The following SLX4IP variants were observed in gnomAD, a reference collection of about 807,000 sequenced individuals.
SLX4IP encodes protein SLX4IP.
SLX4IP carries 34 observed loss-of-function variants against 32.9 expected under a neutral mutation model. The ratio of observed to expected loss-of-function variants is 1.03; its 90% CI spans 0.79 to 1.38. SLX4IP has a LOEUF of 1.38. Among genes scored for constraint, SLX4IP ranks in the 40% most tolerant of loss-of-function variants. The pLI is 0.00. For missense variants in SLX4IP, 444 were observed against 479.0 expected (o/e 0.93, Z 0.68); for synonymous variants, 172 against 171.7 (o/e 1.00, Z -0.01).
chr20:10,621,292 C>T, intron 6 of SLX4IP, 22 bp from the exon 7 acceptor site: 1 of 1,606,664 alleles, frequency 6.2e-7, no homozygotes, highest in Non-Finnish European at 8.5e-7. Context: ...TCTGGTTGAA[C>T]CTTTGTTATC....
chr20:10,449,408 A>G (rs775769064), intron 1 of SLX4IP, among the ~76,000 whole-genome samples: 2 of 152,206 alleles, frequency 1.3e-5, no homozygotes, highest in Non-Finnish European at 2.9e-5. Flanking sequence ...TGTGTTGGGA[A>G]CTTGGACCTT....
intron 2 of SLX4IP, among the ~76,000 whole-genome samples, chr20:10,522,058 C>T (rs1403643503): frequency 6.6e-6 from 1 of 152,192 alleles, no homozygotes; most frequent in Non-Finnish European, 1.5e-5. Context: ...TCTAAAGTGA[C>T]TGGCCTCTCT....
chr20:10,453,684 T>TGCC (rs2065262001), intron 1 of SLX4IP, among the ~76,000 whole-genome samples: 1 of 152,130 alleles, frequency 6.6e-6, no homozygotes, highest in Non-Finnish European at 1.5e-5. Flanking sequence ...TGGAACCAAT[T>TGCC]CTGACTCCTG....
At chr20:10,490,794 A>C (rs1479980960) in intron 2 of SLX4IP, among the ~76,000 whole-genome samples, 2 of 152,090 alleles carry the variant, frequency 1.3e-5, no homozygotes, top group Non-Finnish European at 2.9e-5. Flanking sequence ...GTCTCTGTCC[A>C]TTCTCCTTCT....
chr20:10,591,030 G>A (rs2066703118), intron 4 of SLX4IP, among the ~76,000 whole-genome samples: 1 of 152,142 alleles, frequency 6.6e-6, no homozygotes, highest in African/African-American at 2.4e-5. Flanking sequence ...CAGCTTTTCT[G>A]GTACCCCTGT....
chr20:10,538,732 G>A (rs781165293), intron 2 of SLX4IP, among the ~76,000 whole-genome samples: 2 of 152,036 alleles, frequency 1.3e-5, no homozygotes, highest in Non-Finnish European at 2.9e-5. Flanking sequence ...TCATCATGTT[G>A]GCCAGGCTGG....
At chr20:10,553,006 G>A (rs6133963) in intron 2 of SLX4IP, among the ~76,000 whole-genome samples, 2 of 152,090 alleles carry the variant, frequency 1.3e-5, no homozygotes, top group African/African-American at 4.8e-5. Flanking sequence ...CGCTTTGGAA[G>A]GGCTTTTATT....
Position 10,455,914 on chromosome 20 carries a change from A to T in SLX4IP, c.-29-2262A>T, listed in dbSNP as rs563949776. On this transcript the variant is annotated intron_variant, in intron 1 of 7. Coordinates refer to ENST00000334534, the MANE Select transcript of SLX4IP (RefSeq NM_001009608.3). ...GTGTGAGCCACCGTGCCTGGCCTAT[A>T]TGTCTGTTCTTATGCTAGTATAGGT... 4.6e-5 allele frequency among the ~76,000 whole-genome samples: 7 copies of T among 152,070 alleles called. No homozygotes were observed. The South Asian group carries it at 1.5e-3, about 32-fold the overall frequency.
chr20:10,600,626 T>A (rs1214371910), intron 5 of SLX4IP, among the ~76,000 whole-genome samples: 1 of 151,812 alleles, frequency 6.6e-6, no homozygotes, highest in East Asian at 1.9e-4. Flanking sequence ...AATTGACACC[T>A]TCTTGCTTGG....
chr20:10,542,420 A>C (rs1311977582), intron 2 of SLX4IP, among the ~76,000 whole-genome samples: 1 of 152,116 alleles, frequency 6.6e-6, no homozygotes, highest in Non-Finnish European at 1.5e-5. Context: ...AGCCCTGTTA[A>C]TATTATATTA....
At chr20:10,575,651 G>A (rs1170926809) in intron 4 of SLX4IP, among the ~76,000 whole-genome samples, 1 of 151,294 alleles carries the variant, frequency 6.6e-6, no homozygotes, top group Admixed American at 6.6e-5. Flanking sequence ...AGCATGTACT[G>A]TTTGTTTCTC....
intron 4 of SLX4IP, among the ~76,000 whole-genome samples, chr20:10,571,342 A>C (rs983665708): frequency 6.6e-6 from 1 of 152,150 alleles, no homozygotes; most frequent in Non-Finnish European, 1.5e-5. Flanking sequence ...CCCAGGGACT[A>C]GGAGTCATTA....
chr20:10,520,456 C>T (rs2065893298), intron 2 of SLX4IP, among the ~76,000 whole-genome samples: 1 of 152,186 alleles, frequency 6.6e-6, no homozygotes, highest in Non-Finnish European at 1.5e-5. Context: ...TTCTCCCATT[C>T]TGTGAATTGT....
chr20:10,614,372 A>G, intron 6 of SLX4IP: 1 of 562,702 alleles, frequency 1.8e-6, no homozygotes, highest in East Asian at 3.0e-5. Flanking sequence ...TTACAATCCT[A>G]AAAACAAGAG....
At chr20:10,573,129 C>T (rs1357456573) in intron 4 of SLX4IP, among the ~76,000 whole-genome samples, 1 of 152,224 alleles carries the variant, frequency 6.6e-6, no homozygotes, top group Non-Finnish European at 1.5e-5. Context: ...TCCCCGGCAT[C>T]CCCGCGAGTG....
intron 4 of SLX4IP, among the ~76,000 whole-genome samples, chr20:10,584,263 G>A (rs2066619482): frequency 6.6e-6 from 1 of 152,180 alleles, no homozygotes; most frequent in Non-Finnish European, 1.5e-5. Flanking sequence ...AATATGCATT[G>A]CCTTCTCATA....
intron 2 of SLX4IP, among the ~76,000 whole-genome samples, chr20:10,479,023 G>T (rs1893292176): frequency 6.6e-6 from 1 of 152,226 alleles, no homozygotes. Flanking sequence ...GGATTCCAGG[G>T]ATGAGCTTGC....
chr20:10,623,115 A>T lies in SLX4IP; in HGVS notation c.963A>T (p.Arg321Ser), dbSNP rs2067134259. 6.2e-7 allele frequency: 1 copy of T among 1,614,206 alleles called. No homozygotes were observed. The highest frequency in any genetic ancestry group is 1.3e-5 in the African/African-American group (1 of 75,042). The change falls in exon 8 of 8, where the codon AGA (arginine) becomes AGT (serine). Residue 321 changes from arginine (R) to serine (S), a missense_variant. Transcript: ENST00000334534. Reference sequence around the variant, plus strand: ...TTGGAAGTGATCGATTAGTCCCGAGAGAAATAATAGTGGAAAAAAGCAAAG... The same window carrying T: ...TTGGAAGTGATCGATTAGTCCCGAGTGAAATAATAGTGGAAAAAAGCAAAG... ...VSLGSDRLVP[R>S]EIIVEKSKAV...
chr20:10,591,916 A>G (rs2097492384), intron 4 of SLX4IP, among the ~76,000 whole-genome samples: 1 of 152,246 alleles, frequency 6.6e-6, no homozygotes, highest in Admixed American at 6.5e-5. Flanking sequence ...GATGGGTCCC[A>G]CAGAAAATGA....
Sources: gnomAD v4.1 joint callset for allele counts (sites outside exome capture counted in the v4.1 genomes callset) on GRCh38, gnomAD v4.1.1 for gene constraint, MANE v1.5 for transcripts, NCBI Gene and HGNC (gene_info 2026-07-23, HGNC 2026-07-21) for gene names.